The following ATL1 variants were observed in gnomAD, a reference collection of about 807,000 sequenced individuals.
ATL1 encodes atlastin-1.
ATL1 carries 31 observed loss-of-function variants against 75.5 expected under a neutral mutation model. The observed-to-expected ratio is 0.41, with a 90% CI of 0.31 to 0.55. The LOEUF (loss-of-function observed/expected upper bound fraction) is 0.55. Ranked by LOEUF, ATL1 falls within the 20% of genes least tolerant of loss-of-function variation. The pLI is 0.27. For missense variants in ATL1, 405 were observed against 662.6 expected, an observed-to-expected ratio of 0.61 and a Z score of 4.27; for synonymous variants, 226 against 233.3, an observed-to-expected ratio of 0.97 and a Z score of 0.28.
At chr14:50,572,125 G>A (rs1340817568) in intron 1 of ATL1, 2 of 436,724 alleles carry the variant, frequency 4.6e-6, no homozygotes, top group African/African-American at 2.1e-5. Flanking sequence ...AAATCCAGAG[G>A]GTGAGCTTTG....
chr14:50,604,150 A>T (rs73291736), intron 6 of ATL1, among the ~76,000 whole-genome samples: 2 of 152,148 alleles, frequency 1.3e-5, no homozygotes, highest in African/African-American at 2.4e-5. Context: ...TTTCTATCCA[A>T]TGAGAAGTAC....
chr14:50,564,485 T>C (rs1346878095), intron 1 of ATL1, among the ~76,000 whole-genome samples: 1 of 151,022 alleles, frequency 6.6e-6, no homozygotes, highest in Non-Finnish European at 1.5e-5. Flanking sequence ...CCGTCTCTAC[T>C]GAAAATACAA....
At chr14:50,560,938 GGAA>G (rs2038835996) in intron 1 of ATL1, 1 of 153,216 alleles carries the variant, frequency 6.5e-6, no homozygotes, top group African/African-American at 2.4e-5. Context: ...GGGGAATTGG[GGAA>G]GAAGGAGAGC....
At chr14:50,564,661 A>AG (rs2038885276) in intron 1 of ATL1, among the ~76,000 whole-genome samples, 1 of 149,620 alleles carries the variant, frequency 6.7e-6, no homozygotes, top group Non-Finnish European at 1.5e-5. Flanking sequence ...AAAAAAAAAA[A>AG]AAAAAAAAAA....
chr14:50,623,297 T>C, intron 11 of ATL1, 49 bp downstream of exon 11: 1 of 1,424,838 alleles, frequency 7.0e-7, no homozygotes, highest in East Asian at 2.3e-5. Context: ...CCAGTATCCT[T>C]CATGCAACTC....
chr14:50,533,705 G>T (rs905422746), intron 1 of ATL1, among the ~76,000 whole-genome samples: 1 of 152,164 alleles, frequency 6.6e-6, no homozygotes, highest in Non-Finnish European at 1.5e-5. Flanking sequence ...GGAGATGTTG[G>T]CTTGTGGCTT....
chr14:50,584,487 A>G (rs2039083704), intron 1 of ATL1, among the ~76,000 whole-genome samples: 1 of 152,206 alleles, frequency 6.6e-6, no homozygotes, highest in Admixed American at 6.5e-5. Flanking sequence ...GCAGATCACG[A>G]GGTCAGGAGA....
chr14:50,623,524 A>G (rs955089232), intron 11 of ATL1, among the ~76,000 whole-genome samples: 1 of 152,058 alleles, frequency 6.6e-6, no homozygotes, highest in African/African-American at 2.4e-5. Flanking sequence ...CACTATTTAT[A>G]AAATCTAGTA....
intron 4 of ATL1, among the ~76,000 whole-genome samples, chr14:50,592,913 CAAAAA>C (rs1172812271): frequency 1.2e-5 from 1 of 85,420 alleles, no homozygotes; most frequent in Non-Finnish European, 2.3e-5. Flanking sequence ...ACTCCCGTCT[CAAAAA>C]AAAAAAAAAA....
intron 1 of ATL1, among the ~76,000 whole-genome samples, chr14:50,554,119 T>C (rs1172087376): frequency 1.3e-5 from 2 of 152,164 alleles, no homozygotes; most frequent in East Asian, 3.8e-4. Flanking sequence ...GTTTTTTTTT[T>C]TTAATCCACA....
At chr14:50,595,885 CTT>C (rs72247480) in intron 6 of ATL1, among the ~76,000 whole-genome samples, 2 of 147,652 alleles carry the variant, frequency 1.4e-5, no homozygotes, top group African/African-American at 2.5e-5. Flanking sequence ...AAAATGTCAG[CTT>C]TTTTTTTTTC....
At chr14:50,546,500 T>C (rs1468184841) in intron 1 of ATL1, among the ~76,000 whole-genome samples, 1 of 152,202 alleles carries the variant, frequency 6.6e-6, no homozygotes, top group Non-Finnish European at 1.5e-5. Flanking sequence ...CACATTAAGG[T>C]AAAGTCAAGT....
intron 1 of ATL1, among the ~76,000 whole-genome samples, chr14:50,543,388 A>G (rs2038590306): frequency 6.6e-6 from 1 of 152,348 alleles, no homozygotes; most frequent in South Asian, 2.1e-4. Context: ...CATCATGGGA[A>G]TAGATACATA....
At chr14:50,587,353 T>C (rs1482448744) in intron 1 of ATL1, among the ~76,000 whole-genome samples, 5 of 152,202 alleles carry the variant, frequency 3.3e-5, no homozygotes, top group Admixed American at 3.3e-4. Context: ...TCCTGGGATA[T>C]AGTGTGAATG....
At chr14:50,582,367 T>G (rs1278660734) in intron 1 of ATL1, among the ~76,000 whole-genome samples, 1 of 151,814 alleles carries the variant, frequency 6.6e-6, no homozygotes, top group East Asian at 1.9e-4. Context: ...CTATCAAAAT[T>G]TCAAAGAACC....
intron 1 of ATL1, among the ~76,000 whole-genome samples, chr14:50,534,613 T>C (rs1374260255): frequency 6.6e-6 from 1 of 152,240 alleles, no homozygotes; most frequent in Non-Finnish European, 1.5e-5. Context: ...TTGCCAGTAA[T>C]GGCAGATCCA....
intron 1 of ATL1, among the ~76,000 whole-genome samples, chr14:50,569,012 T>C (rs2983417): frequency 0.015 from 2,224 of 152,228 alleles, 40 homozygotes; most frequent in Admixed American, 0.018. Flanking sequence ...AGTATACATA[T>C]TGTGTGTCCA....
chr14:50,591,718 TTAGA>T (rs1359810074), intron 4 of ATL1, 79 bp downstream of exon 4: 26 of 1,012,110 alleles, frequency 2.6e-5, no homozygotes, highest in Admixed American at 2.2e-4. Context: ...CATGTTATAA[TTAGA>T]TAAACAACAG....
At chr14:50,540,821 T>G (rs2038551733) in intron 1 of ATL1, among the ~76,000 whole-genome samples, 1 of 152,228 alleles carries the variant, frequency 6.6e-6, no homozygotes, top group Non-Finnish European at 1.5e-5. Flanking sequence ...GCTAACTTCT[T>G]ACCCATGCCA....
Sources: allele counts gnomAD v4.1 joint callset (sites outside exome capture counted in the v4.1 genomes callset), GRCh38; gene constraint gnomAD v4.1.1; transcripts MANE v1.5; gene names NCBI Gene and HGNC (gene_info 2026-07-23, HGNC 2026-07-21).